ACP6: variants seen among roughly 807,000 people sequenced by gnomAD.
The protein encoded by ACP6 is lysophosphatidic acid phosphatase type 6.
A neutral mutation model predicts 48.1 loss-of-function variants in ACP6; 48 were observed. That is an observed-to-expected ratio of 1.00 (90% CI 0.79 to 1.27). ACP6 has a LOEUF of 1.27. Among genes scored for constraint, ACP6 ranks in the 50% most tolerant of loss-of-function variants. The pLI, the probability that ACP6 is intolerant of heterozygous loss-of-function variation, is 0.00. For synonymous variants in ACP6, 172 were observed against 204.2 expected (o/e 0.84, Z 1.34); for missense variants, 485 against 529.1 (o/e 0.92, Z 0.82).
intron 5 of ACP6, among the ~76,000 whole-genome samples, chr1:147,632,403 G>A (rs1659194124): frequency 6.6e-6 from 1 of 152,130 alleles, no homozygotes; most frequent in Admixed American, 6.6e-5. Flanking sequence ...TGAGAGGGAA[G>A]AAGGATCCAT....
At chr1:147,666,155 A>G (rs1488025246) in intron 1 of ACP6, among the ~76,000 whole-genome samples, 1 of 152,230 alleles carries the variant, frequency 6.6e-6, no homozygotes, top group African/African-American at 2.4e-5. Flanking sequence ...CCTGACTTTT[A>G]CATAAAGAAA....
At chr1:147,659,614 T>G in intron 2 of ACP6, 33 bp downstream of exon 2, 2 of 1,613,736 alleles carry the variant, frequency 1.2e-6, no homozygotes, top group Non-Finnish European at 1.7e-6. Flanking sequence ...ACCTTTGCAG[T>G]GGGGCTCCCC....
chr1:147,634,691 C>G (rs1289928779), intron 5 of ACP6, among the ~76,000 whole-genome samples: 1 of 152,172 alleles, frequency 6.6e-6, no homozygotes, highest in Non-Finnish European at 1.5e-5. Flanking sequence ...TCTCCATCTA[C>G]CTATTGAGTA....
At position 147,670,125 on chromosome 1, in the gene ACP6, G is replaced by C. The variant is rs892189213; in HGVS notation, c.-77C>G. On this transcript the variant is annotated 5_prime_UTR_variant, in exon 1 of 10. Transcript: ENST00000583509. ...AGTCTTCTGCGGGCGCCGGGGCTCA[G>C]CGGGCGCCCCCAAGTCCGCGGGAAC... The C allele has an allele frequency of 1.5e-5, 21 of 1,370,420 alleles. No homozygotes were observed. The highest frequency in any genetic ancestry group is 1.9e-5 in the Non-Finnish European group (20 of 1,040,314). 84.9% of individuals were successfully genotyped at this position (1,370,420 alleles called of 1,614,324 possible). A position where few individuals can be genotyped will look rare whatever the true frequency, so the allele number is the denominator to read the frequency against.
chr1:147,637,765 A>C (rs1659335990), downstream of ACP6, among the ~76,000 whole-genome samples: 1 of 152,244 alleles, frequency 6.6e-6, no homozygotes, highest in African/African-American at 2.4e-5. Context: ...ATTAAGTTCC[A>C]TCTTAAAATA....
chr1:147,659,590 G>C, intron 2 of ACP6, 57 bp downstream of exon 2: 3 of 1,613,658 alleles, frequency 1.9e-6, no homozygotes, highest in Non-Finnish European at 2.5e-6. Flanking sequence ...ACTCAGCCCA[G>C]AGAAAACAAC....
intron 1 of ACP6, among the ~76,000 whole-genome samples, chr1:147,661,075 C>T (rs1208448519): frequency 6.6e-6 from 1 of 152,184 alleles, no homozygotes; most frequent in Non-Finnish European, 1.5e-5. Flanking sequence ...TCTGGTAATT[C>T]TCATAATATT....
chr1:147,665,361 A>C (rs1206992518), intron 1 of ACP6, among the ~76,000 whole-genome samples: 1 of 152,238 alleles, frequency 6.6e-6, no homozygotes, highest in African/African-American at 2.4e-5. Flanking sequence ...TTTGAGTTAG[A>C]CTTGGCAAGT....
chr1:147,631,114 G>A (rs1467023164), intron 5 of ACP6: 1 of 152,144 alleles, frequency 6.6e-6, no homozygotes, highest in Non-Finnish European at 1.5e-5. Flanking sequence ...TACCAATGAG[G>A]AAATACAAGG....
At chr1:147,663,673 C>T (rs1660658291) in intron 1 of ACP6, among the ~76,000 whole-genome samples, 1 of 152,068 alleles carries the variant, frequency 6.6e-6, no homozygotes, top group East Asian at 1.9e-4. Flanking sequence ...AGGACTTCTA[C>T]CCCCTTTGTC....
chr1:147,636,240 T>C (rs1231510177), intron 5 of ACP6, among the ~76,000 whole-genome samples: 2 of 151,932 alleles, frequency 1.3e-5, no homozygotes, highest in South Asian at 4.2e-4. Flanking sequence ...AGAAATAGGA[T>C]GGTTAGATAG....
At position 147,654,257 on chromosome 1, in the gene ACP6, C is replaced by T; in HGVS notation, c.717G>A (p.Met239Ile). 6.2e-7 allele frequency: 1 copy of T among 1,614,208 alleles called. No individual in the cohort carries two copies. The highest frequency in any genetic ancestry group is 8.5e-7 in the Non-Finnish European group (1 of 1,180,028). The change falls in exon 6 of 10, where the codon ATG (methionine) becomes ATA (isoleucine). Residue 239 changes from methionine to isoleucine, a missense_variant. Met to Ile is a conservative substitution (Grantham distance 10, BLOSUM62 1). Transcript: ENST00000583509. ...SEDLKKVKDR[M>I]GIDSSDKVDF... Reference sequence around the variant, plus strand: ...CCACTTTATCACTACTGTCAATGCCCATCCTGTCCTTCACCTTTTTCAAAT... The same window carrying T: ...CCACTTTATCACTACTGTCAATGCCTATCCTGTCCTTCACCTTTTTCAAAT...
At position 147,642,755 on chromosome 1, in the gene ACP6, C is replaced by T. The variant is rs1235072296; in HGVS notation, c.*4668G>A. ...CAGTGAACAAGAGGAAATCTGCCTT[C>T]ATGGAGCTTCCATTTTAGTCAGGGA... On this transcript the variant is annotated 3_prime_UTR_variant, in exon 10 of 10. Coordinates refer to ENST00000583509, the MANE Select transcript of ACP6 (RefSeq NM_016361.5). 6.6e-6 allele frequency: 1 copy of T among 152,214 alleles called. No individual in the cohort carries two copies. Among genetic ancestry groups the T allele is most frequent in the Non-Finnish European group, 1.5e-5 (1 of 68,062 alleles). 9.4% of individuals were successfully genotyped at this position (152,214 alleles called of 1,614,324 possible). A position where few individuals can be genotyped will look rare whatever the true frequency, so the allele number is the denominator to read the frequency against.
Position 147,645,312 on chromosome 1 carries a change from C to G in ACP6, c.*2111G>C, listed in dbSNP as rs1659582281. The G allele has an allele frequency of 6.6e-6, 1 of 152,086 alleles. No individual in the cohort carries two copies. Among genetic ancestry groups the G allele is most frequent in the African/African-American group, 2.4e-5 (1 of 41,420 alleles). 9.4% of individuals were successfully genotyped at this position (152,086 alleles called of 1,614,324 possible). ...CCATGTTGGCCAGGCTGGTCTCGAA[C>G]TCCTGGCCTCAGGTGATCTGCCTGC... On this transcript the variant is annotated 3_prime_UTR_variant, in exon 10 of 10. Transcript: ENST00000583509.
At position 147,648,967 on chromosome 1, in the gene ACP6, AT is replaced by A. The variant is rs1557879771; in HGVS notation, c.978-557del. The stretch of plus-strand genomic sequence containing the variant: ...TCTCTTAGGAAAGACCAAGGATTTT[AT>A]TTATGGACCCCCATCCTAGAAGACT... On this transcript the variant is annotated intron_variant, in intron 8 of 9. Transcript: ENST00000583509. Among the ~76,000 whole-genome samples the A allele has an allele frequency of 5.9e-5, 9 of 152,176 alleles. No individual in the cohort carries two copies. The South Asian group carries it at 1.7e-3, about 28-fold the overall frequency.
rs587730580 is a variant in ACP6 at position 147,659,890 on chromosome 1, A to T, written c.220-115T>A. On this transcript the variant is annotated intron_variant, in intron 1 of 9. Coordinates refer to ENST00000583509, the MANE Select transcript of ACP6 (RefSeq NM_016361.5). The stretch of plus-strand genomic sequence containing the variant: ...TGGAATCACTGACACTAGGCCTGCA[A>T]CCTTCCTATGGGATGGAAGGAAAGA... 12 of 1,269,628 alleles carry T rather than the reference A, an allele frequency of 9.5e-6. No individual in the cohort carries two copies. In the African/African-American group the frequency reaches 1.6e-4, roughly 17 times the overall value. The allele number at this position is 1,269,628 out of a possible 1,614,324, so 78.6% of individuals were successfully genotyped here.
chr1:147,652,287 G>A (rs975677991), intron 7 of ACP6, 162 bp downstream of exon 7: 12 of 632,990 alleles, frequency 1.9e-5, no homozygotes, highest in African/African-American at 3.7e-5. Flanking sequence ...GTAGAAGTGC[G>A]AGGACCTAGG....
intron 7 of ACP6, chr1:147,650,665 T>C (rs1659873570): frequency 6.4e-6 from 1 of 155,754 alleles, no homozygotes; most frequent in African/African-American, 2.4e-5. Context: ...TTTTGTTTCC[T>C]ATGTGCCAGC....
chr1:147,633,663 T>C (rs1659227247), intron 5 of ACP6, among the ~76,000 whole-genome samples: 1 of 152,190 alleles, frequency 6.6e-6, no homozygotes, highest in Admixed American at 6.5e-5. Flanking sequence ...TCCTATTTAA[T>C]TTCAATATTC....
Sources: gnomAD v4.1 joint callset for allele counts (sites outside exome capture counted in the v4.1 genomes callset) on GRCh38, gnomAD v4.1.1 for gene constraint, MANE v1.5 for transcripts, NCBI Gene and HGNC (gene_info 2026-07-23, HGNC 2026-07-21) for gene names.